LMX1A: variants seen among roughly 807,000 people sequenced by gnomAD.
The protein encoded by LMX1A is LIM homeobox transcription factor 1-alpha.
A neutral mutation model predicts 49.1 loss-of-function variants in LMX1A; 15 were observed. That is an observed-to-expected ratio of 0.31 (90% CI 0.20 to 0.47). The LOEUF is 0.47. Ranked by LOEUF, LMX1A falls within the 20% of genes least tolerant of loss-of-function variation. The probability of loss-of-function intolerance (pLI) is 1.00; values close to 1 mark genes in which losing one functional copy is unlikely to be tolerated. For synonymous variants in LMX1A, 167 were observed against 185.7 expected (o/e 0.90, Z 0.82); for missense variants, 372 against 475.8 (o/e 0.78, Z 2.03).
At chr1:165,275,822 T>C (rs776993236) in intron 3 of LMX1A, among the ~76,000 whole-genome samples, 8 of 150,098 alleles carry the variant, frequency 5.3e-5, no homozygotes, top group Admixed American at 2.7e-4. Flanking sequence ...TTTCTAGAGC[T>C]TTTATGGCGC....
intron 3 of LMX1A, among the ~76,000 whole-genome samples, chr1:165,323,408 CTT>C (rs1407525892): frequency 6.6e-6 from 1 of 152,208 alleles, no homozygotes; most frequent in Non-Finnish European, 1.5e-5. Context: ...AAAATTATAA[CTT>C]AACATTTGTA....
intron 3 of LMX1A, among the ~76,000 whole-genome samples, chr1:165,304,145 C>A (rs1322149012): frequency 6.6e-6 from 1 of 152,018 alleles, no homozygotes; most frequent in East Asian, 1.9e-4. Context: ...AATAGGGTAA[C>A]CCTGGGAAAG....
At chr1:165,210,860 G>A in intron 5 of LMX1A, 84 bp from the exon 6 acceptor site, 3 of 856,714 alleles carry the variant, frequency 3.5e-6, no homozygotes, top group Non-Finnish European at 5.5e-6. Flanking sequence ...ACTTGAGGAG[G>A]CCAAAAGACT....
In LMX1A at chr1:165,355,390, C is replaced by T. The variant is rs1656573245; in HGVS notation, c.76+94G>A. Reference sequence around the variant, plus strand: ...AGTGTATGAAGAGGGGCGCTAGCTTCCCTATCGCGGACCAGGTCCCAGAGA... The same window carrying T: ...AGTGTATGAAGAGGGGCGCTAGCTTTCCTATCGCGGACCAGGTCCCAGAGA... On this transcript the variant is annotated intron_variant, in intron 2 of 8. Transcript: ENST00000342310. This position sits in a 1 kb window ranked among gnomAD's most constrained non-coding sequence, Gnocchi z 4.7. 8.3e-7 allele frequency: 1 copy of T among 1,202,082 alleles called. No individual in the cohort carries two copies. The allele number at this position is 1,202,082 out of a possible 1,614,324, so 74.5% of individuals were successfully genotyped here.
chr1:165,310,356 G>C (rs902356774), intron 3 of LMX1A, among the ~76,000 whole-genome samples: 2 of 152,192 alleles, frequency 1.3e-5, no homozygotes, highest in Non-Finnish European at 2.9e-5. Flanking sequence ...AAATAAATGA[G>C]CAGGGTAAGG....
intron 3 of LMX1A, among the ~76,000 whole-genome samples, chr1:165,251,924 C>T (rs1047609629): frequency 2.6e-5 from 4 of 152,186 alleles, no homozygotes; most frequent in African/African-American, 7.2e-5. Context: ...CTGGGCTCTG[C>T]TGCCAGCTCT....
intron 2 of LMX1A, among the ~76,000 whole-genome samples, chr1:165,354,998 C>G (rs1656557281): frequency 6.6e-6 from 1 of 152,116 alleles, no homozygotes; most frequent in Non-Finnish European, 1.5e-5. Context: ...CCCCGCGCTG[C>G]GTTGCCTACT....
chr1:165,336,962 A>C (rs1367518379), intron 3 of LMX1A, among the ~76,000 whole-genome samples: 2 of 152,234 alleles, frequency 1.3e-5, no homozygotes, highest in African/African-American at 4.8e-5. Context: ...AGATGGGGAG[A>C]GTAGAAGTGG....
intron 3 of LMX1A, among the ~76,000 whole-genome samples, chr1:165,267,913 T>C (rs897443975): frequency 3.3e-5 from 5 of 152,206 alleles, no homozygotes; most frequent in African/African-American, 1.2e-4. Context: ...CAAAGAGTTT[T>C]ACTAAAGAAC....
At chr1:165,356,082 G>A (rs1041487118) in intron 1 of LMX1A, 3 of 153,370 alleles carry the variant, frequency 2.0e-5, no homozygotes, top group African/African-American at 4.8e-5. Flanking sequence ...GCCCCAGGTC[G>A]AGAAGGGGCA....
chr1:165,320,986 C>A (rs536774949), intron 3 of LMX1A, among the ~76,000 whole-genome samples: 1 of 152,232 alleles, frequency 6.6e-6, no homozygotes, highest in African/African-American at 2.4e-5. Flanking sequence ...AAAGTTAAAA[C>A]AACCCAAATA....
intron 3 of LMX1A, among the ~76,000 whole-genome samples, chr1:165,265,598 T>C (rs947987461): frequency 1.3e-5 from 2 of 152,140 alleles, no homozygotes; most frequent in African/African-American, 4.8e-5. Context: ...CAGGGAGCCA[T>C]ACACACTGGC....
At chr1:165,204,182 A>G (rs1650970571) in intron 8 of LMX1A, 142 bp from the exon 9 acceptor site, 4 of 812,664 alleles carry the variant, frequency 4.9e-6, no homozygotes, top group Admixed American at 2.8e-5. Flanking sequence ...TATTCTCTTT[A>G]GGGGGCTCAA....
At chr1:165,356,040 G>T (rs1322802645) in intron 1 of LMX1A, 1 of 154,896 alleles carries the variant, frequency 6.5e-6, no homozygotes, top group Non-Finnish European at 1.4e-5. Flanking sequence ...TTGCAATCCC[G>T]CGTCCCAGCC....
At chr1:165,354,156 G>A (rs1240483340) in intron 2 of LMX1A, among the ~76,000 whole-genome samples, 1 of 152,092 alleles carries the variant, frequency 6.6e-6, no homozygotes, top group African/African-American at 2.4e-5. Context: ...AGAAGGCCTT[G>A]TCCCCCAGCA....
At chr1:165,225,199 C>T (rs1406121422) in intron 4 of LMX1A, among the ~76,000 whole-genome samples, 1 of 152,210 alleles carries the variant, frequency 6.6e-6, no homozygotes, top group Non-Finnish European at 1.5e-5. Context: ...AGGCCCTCAG[C>T]CCTGGCAGAC....
At chr1:165,347,269 A>G (rs1025524279) in intron 3 of LMX1A, among the ~76,000 whole-genome samples, 22 of 152,238 alleles carry the variant, frequency 1.4e-4, no homozygotes, top group Admixed American at 3.3e-4. Flanking sequence ...TCTCAAAATT[A>G]GCAACTTCCC....
At chr1:165,266,036 G>A (rs1358327174) in intron 3 of LMX1A, among the ~76,000 whole-genome samples, 1 of 152,176 alleles carries the variant, frequency 6.6e-6, no homozygotes, top group South Asian at 2.1e-4. Context: ...GGGTGCCTAT[G>A]ATTCTAGCTG....
chr1:165,267,556 T>A (rs1171939467), intron 3 of LMX1A, among the ~76,000 whole-genome samples: 1 of 152,172 alleles, frequency 6.6e-6, no homozygotes, highest in Non-Finnish European at 1.5e-5. Context: ...GAAGTTTTAA[T>A]GGAATCACTA....
Sources: allele counts gnomAD v4.1 joint callset (sites outside exome capture counted in the v4.1 genomes callset), GRCh38; gene constraint gnomAD v4.1.1; non-coding constraint Gnocchi (gnomAD v3.1); transcripts MANE v1.5; gene names NCBI Gene and HGNC (gene_info 2026-07-23, HGNC 2026-07-21).